The following ADGRL3 variants were observed in gnomAD, a reference collection of about 807,000 sequenced individuals.
ADGRL3 encodes the protein adhesion G protein-coupled receptor L3.
Under a neutral mutation model 153.5 loss-of-function variants are expected in ADGRL3, and 62 were observed. That is an observed-to-expected ratio of 0.40 (90% CI 0.33 to 0.50). The LOEUF (loss-of-function observed/expected upper bound fraction) is 0.50. Among genes scored for constraint, ADGRL3 ranks in the 20% least tolerant of loss-of-function variants. The pLI, the probability that ADGRL3 is intolerant of heterozygous loss-of-function variation, is 0.47. For missense variants in ADGRL3, 1,641 were observed against 1,859.4 expected, an observed-to-expected ratio of 0.88 and a Z score of 2.16; for synonymous variants, 710 against 672.5, an observed-to-expected ratio of 1.06 and a Z score of -0.86.
intron 8 of ADGRL3, among the ~76,000 whole-genome samples, chr4:61,743,579 T>A (rs528475338): frequency 6.6e-6 from 1 of 152,338 alleles, no homozygotes; most frequent in South Asian, 2.1e-4. Flanking sequence ...AATCTTTCAA[T>A]ATCTACGATA....
chr4:61,894,073 T>C (rs932833484), intron 10 of ADGRL3, among the ~76,000 whole-genome samples: 11 of 152,178 alleles, frequency 7.2e-5, no homozygotes, highest in African/African-American at 2.4e-4. Flanking sequence ...CATATTATTA[T>C]TTATTTTGCT....
At chr4:61,818,767 A>G (rs2148688891) in intron 9 of ADGRL3, among the ~76,000 whole-genome samples, 1 of 152,290 alleles carries the variant, frequency 6.6e-6, no homozygotes, top group East Asian at 1.9e-4. Context: ...GGAATTATAT[A>G]AATTCCTCTG....
At chr4:61,595,133 C>T (rs78568653) in intron 5 of ADGRL3, among the ~76,000 whole-genome samples, 4,918 of 152,282 alleles carry the variant, frequency 0.032, 244 homozygotes, top group African/African-American at 0.11. Context: ...GACTCAGGGA[C>T]TCCAAGGGCC....
chr4:61,801,734 T>C lies in ADGRL3; in HGVS notation c.1400-12075T>C, dbSNP rs890886751. Among the ~76,000 whole-genome samples, 7 of 152,296 alleles carry C rather than the reference T, an allele frequency of 4.6e-5. No homozygotes were observed. The East Asian group carries it at 9.7e-4, about 21-fold the overall frequency. The stretch of plus-strand genomic sequence containing the variant: ...CATAATATAACTTGTTTACAACTTA[T>C]ATTTGTTAAGGGATTTGTTAAGGGT... On this transcript the variant is annotated intron_variant, in intron 8 of 26. Coordinates refer to ENST00000683033, the MANE Select transcript of ADGRL3 (RefSeq NM_001387552.1).
chr4:61,820,999 T>C (rs1051164724), intron 9 of ADGRL3, among the ~76,000 whole-genome samples: 7 of 152,150 alleles, frequency 4.6e-5, no homozygotes, highest in African/African-American at 1.7e-4. Context: ...CATATATTAT[T>C]TGAGGTTTAC....
chr4:61,251,042 A>T (rs373349272), intron 1 of ADGRL3, among the ~76,000 whole-genome samples: 2 of 152,198 alleles, frequency 1.3e-5, no homozygotes, highest in South Asian at 2.1e-4. Context: ...GTTGCTGTAT[A>T]AAAAACTTCC....
chr4:61,827,002 C>T (rs578221592), intron 9 of ADGRL3, among the ~76,000 whole-genome samples: 1 of 152,204 alleles, frequency 6.6e-6, no homozygotes, highest in African/African-American at 2.4e-5. Context: ...ATTTCCCACA[C>T]TAGTTATAGT....
At chr4:62,034,861 C>T (rs1724088249) in intron 23 of ADGRL3, among the ~76,000 whole-genome samples, 1 of 151,546 alleles carries the variant, frequency 6.6e-6, no homozygotes, top group South Asian at 2.1e-4. Context: ...TGATATATTC[C>T]CAGAGCTTCC....
intron 9 of ADGRL3, among the ~76,000 whole-genome samples, chr4:61,838,135 T>A (rs2097964981): frequency 6.6e-6 from 1 of 152,188 alleles, no homozygotes; most frequent in Non-Finnish European, 1.5e-5. Flanking sequence ...AAGCTATAGC[T>A]AAATAAATAC....
chr4:61,697,290 G>C (rs2095660257), intron 6 of ADGRL3, among the ~76,000 whole-genome samples: 1 of 152,066 alleles, frequency 6.6e-6, no homozygotes. Flanking sequence ...GACAGGCATG[G>C]TGGCACATGG....
intron 21 of ADGRL3, among the ~76,000 whole-genome samples, chr4:62,028,268 A>C (rs1719989596): frequency 6.6e-6 from 1 of 151,808 alleles, no homozygotes; most frequent in Non-Finnish European, 1.5e-5. Context: ...GTTTGTTCCT[A>C]TTACTACAAA....
intron 3 of ADGRL3, among the ~76,000 whole-genome samples, chr4:61,510,348 T>C (rs906156016): frequency 2.0e-5 from 3 of 152,170 alleles, no homozygotes; most frequent in Admixed American, 6.5e-5. Flanking sequence ...GATGTGAGAA[T>C]GGTACTTTAT....
intron 9 of ADGRL3, among the ~76,000 whole-genome samples, chr4:61,863,438 C>T (rs989099737): frequency 4.0e-5 from 6 of 151,542 alleles, no homozygotes; most frequent in African/African-American, 9.7e-5. Flanking sequence ...GAGGTTTCAC[C>T]GTTTTAGCCG....
At chr4:61,696,520 AT>A (rs1272520698) in intron 6 of ADGRL3, among the ~76,000 whole-genome samples, 1 of 152,024 alleles carries the variant, frequency 6.6e-6, no homozygotes, top group Non-Finnish European at 1.5e-5. Context: ...ACTAGCTTAT[AT>A]TTTAATTTTA....
At chr4:61,374,794 G>T (rs946783656) in intron 1 of ADGRL3, among the ~76,000 whole-genome samples, 2 of 151,854 alleles carry the variant, frequency 1.3e-5, no homozygotes, top group Non-Finnish European at 2.9e-5. Flanking sequence ...CCCCTGCACA[G>T]TTGGAATGTT....
At chr4:61,572,771 G>A (rs2098844305) in intron 4 of ADGRL3, among the ~76,000 whole-genome samples, 1 of 151,934 alleles carries the variant, frequency 6.6e-6, no homozygotes, top group Non-Finnish European at 1.5e-5. Context: ...ATAGTAGTGT[G>A]TTAATTTGTG....
chr4:61,393,565 C>A (rs2096837276), intron 2 of ADGRL3, among the ~76,000 whole-genome samples: 1 of 151,436 alleles, frequency 6.6e-6, no homozygotes, highest in Non-Finnish European at 1.5e-5. Context: ...AATTTAGAGC[C>A]TTTACTTAAT....
intron 4 of ADGRL3, among the ~76,000 whole-genome samples, chr4:61,548,358 G>C (rs952302791): frequency 4.9e-5 from 7 of 143,394 alleles, no homozygotes; most frequent in African/African-American, 1.5e-4. Context: ...CTTTGCCAGG[G>C]CCTGTGTCCG....
chr4:61,574,496 TA>T (rs2098856698), intron 4 of ADGRL3, among the ~76,000 whole-genome samples: 1 of 151,864 alleles, frequency 6.6e-6, no homozygotes, highest in Non-Finnish European at 1.5e-5. Flanking sequence ...TTATTACAAA[TA>T]TTAATGACAG....
Sources: gnomAD v4.1 joint callset for allele counts (sites outside exome capture counted in the v4.1 genomes callset) on GRCh38, gnomAD v4.1.1 for gene constraint, MANE v1.5 for transcripts, NCBI Gene and HGNC (gene_info 2026-07-23, HGNC 2026-07-21) for gene names.